Variants in ABHD12B observed in about 807,000 individuals in gnomAD.
ABHD12B encodes protein ABHD12B.
Under a neutral mutation model 50.4 loss-of-function variants are expected in ABHD12B, and 42 were observed. The observed-to-expected ratio is 0.83, with a 90% CI of 0.65 to 1.08. ABHD12B has a LOEUF of 1.08. Ranked by LOEUF, ABHD12B falls within the 50% of genes least tolerant of loss-of-function variation. The pLI, the probability that ABHD12B is intolerant of heterozygous loss-of-function variation, is 0.00. For missense variants in ABHD12B, 479 were observed against 447.7 expected, an observed-to-expected ratio of 1.07 and a Z score of -0.63; for synonymous variants, 167 against 160.3, an observed-to-expected ratio of 1.04 and a Z score of -0.32.
chr14:50,877,731 G>T (rs932528513), intron 1 of ABHD12B, among the ~76,000 whole-genome samples: 9 of 152,222 alleles, frequency 5.9e-5, no homozygotes, highest in Admixed American at 1.3e-4. Context: ...GCCAGGCATG[G>T]TGGTGGGTGC....
At chr14:50,891,234 T>C (rs2050112037) in intron 9 of ABHD12B, 2 of 107,304 alleles carry the variant, frequency 1.9e-5, no homozygotes, top group African/African-American at 3.6e-5. Context: ...TGATATGTCA[T>C]GATAAAGAGA....
intron 5 of ABHD12B, 107 bp from the exon 6 acceptor site, chr14:50,885,507 C>A: frequency 1.5e-6 from 2 of 1,300,426 alleles, no homozygotes; most frequent in Non-Finnish European, 2.2e-6. Context: ...TTAAAATTAC[C>A]TTTGAAAGAG....
intron 1 of ABHD12B, among the ~76,000 whole-genome samples, chr14:50,874,723 T>A (rs960434761): frequency 2.6e-5 from 4 of 152,220 alleles, no homozygotes; most frequent in Non-Finnish European, 5.9e-5. Context: ...CAATCCTAGA[T>A]AGTGCTCAGA....
intron 9 of ABHD12B, among the ~76,000 whole-genome samples, chr14:50,890,093 T>C (rs1187544244): frequency 1.3e-5 from 2 of 152,220 alleles, no homozygotes; most frequent in East Asian, 3.8e-4. Flanking sequence ...TCAGATATAA[T>C]AAATATTTTC....
In ABHD12B at chr14:50,878,866, C is replaced by T. The variant is rs2049898605; in HGVS notation, c.335+19C>T. On this transcript the variant is annotated intron_variant, in intron 3 of 12. Coordinates refer to ENST00000337334, the MANE Select transcript of ABHD12B (RefSeq NM_001206673.2). ...GGATCTGGTGAGTGCACGGATGGGA[C>T]ACCGGGTTGCTTGATGGGGCAGGTG... 5 of 1,602,150 alleles carry T rather than the reference C, an allele frequency of 3.1e-6. No individual in the cohort carries two copies. Among genetic ancestry groups the T allele is most frequent in the Admixed American group, 1.7e-5 (1 of 59,948 alleles).
chr14:50,884,120 A>T (rs762601790), intron 5 of ABHD12B, among the ~76,000 whole-genome samples: 2 of 152,218 alleles, frequency 1.3e-5, no homozygotes, highest in Non-Finnish European at 2.9e-5. Flanking sequence ...CTGCTATTGG[A>T]TATAAGATTT....
rs143330856 is a variant in ABHD12B at position 50,874,938 on chromosome 14, C to T, written c.104+2660C>T. ...TCCTTCCTCTTTCCTCTGAAGCTAC[C>T]AATAAATGTTGCTTCCTTCTCCCTT... On this transcript the variant is annotated intron_variant, in intron 1 of 12. Transcript: ENST00000337334. Among the ~76,000 whole-genome samples the T allele has an allele frequency of 1.1e-4, 17 of 152,330 alleles. No individual in the cohort carries two copies. In the East Asian group the frequency reaches 2.9e-3, roughly 26 times the overall value.
chr14:50,896,678 G>C (rs912135141), intron 9 of ABHD12B, among the ~76,000 whole-genome samples: 3 of 150,488 alleles, frequency 2.0e-5, no homozygotes, highest in African/African-American at 7.3e-5. Flanking sequence ...AGCACCTTGT[G>C]ACCCCCGCCC....
At chr14:50,895,488 C>G (rs1351282810) in intron 9 of ABHD12B, 1 of 151,748 alleles carries the variant, frequency 6.6e-6, no homozygotes, top group Non-Finnish European at 1.5e-5. Flanking sequence ...ATGCCCGCAG[C>G]CCGGGATTCC....
At chr14:50,900,769 C>T (rs2050252906) in intron 9 of ABHD12B, among the ~76,000 whole-genome samples, 1 of 152,094 alleles carries the variant, frequency 6.6e-6, no homozygotes, top group South Asian at 2.1e-4. Context: ...AGGAGGTGGA[C>T]AGGAAGGTGC....
At chr14:50,877,908 T>G in intron 1 of ABHD12B, 44 bp from the exon 2 acceptor site, 3 of 1,448,878 alleles carry the variant, frequency 2.1e-6, no homozygotes, top group South Asian at 1.4e-5. Flanking sequence ...CCAAGACAAA[T>G]GGATTAATTT....
At chr14:50,896,413 C>G (rs1349331454) in intron 9 of ABHD12B, among the ~76,000 whole-genome samples, 3 of 152,144 alleles carry the variant, frequency 2.0e-5, no homozygotes, top group African/African-American at 7.2e-5. Context: ...TGAGCCCAAG[C>G]CAAGCCATCG....
At chr14:50,889,755 G>GGA (rs951893235) in intron 9 of ABHD12B, among the ~76,000 whole-genome samples, 21 of 152,080 alleles carry the variant, frequency 1.4e-4, no homozygotes, top group East Asian at 3.9e-4. Context: ...TGAGAGGTGG[G>GGA]GAGAGAGAGA....
Position 50,903,369 on chromosome 14 carries a change from T to C in ABHD12B, c.864-20T>C. The C allele has an allele frequency of 6.3e-7, 1 of 1,585,874 alleles. No individual in the cohort carries two copies. The highest frequency in any genetic ancestry group is 8.6e-7 in the Non-Finnish European group (1 of 1,156,108). ...ATGTATCATTCTTTAACTGAATGCT[T>C]TTCTTCTACTTGTCCCTAGTGTTAA... On this transcript the variant is annotated intron_variant, in intron 10 of 12. Coordinates refer to ENST00000337334, the MANE Select transcript of ABHD12B (RefSeq NM_001206673.2).
rs1469837459 is a variant in ABHD12B, at chr14:50,878,727, A to T, written c.233-18A>T. The T allele has an allele frequency of 6.3e-7, 1 of 1,593,032 alleles. No individual in the cohort carries two copies. Among genetic ancestry groups the T allele is most frequent in the Non-Finnish European group, 8.6e-7 (1 of 1,160,960 alleles). The stretch of plus-strand genomic sequence containing the variant: ...TGGAATTTGATTCTTGAAGTTGATA[A>T]TGATTTTTACTTTCCAGTCAAAGCC... On this transcript the variant is annotated intron_variant, in intron 2 of 12. Coordinates refer to ENST00000337334, the MANE Select transcript of ABHD12B (RefSeq NM_001206673.2).
At chr14:50,894,081 T>TG (rs2050158596) in intron 9 of ABHD12B, among the ~76,000 whole-genome samples, 1 of 152,120 alleles carries the variant, frequency 6.6e-6, no homozygotes, top group South Asian at 2.1e-4. Context: ...CCCGCTTTTC[T>TG]GGGGAAGGGG....
intron 8 of ABHD12B, 85 bp downstream of exon 8, chr14:50,886,769 A>G: frequency 7.8e-7 from 1 of 1,283,710 alleles, no homozygotes; most frequent in East Asian, 2.4e-5. Flanking sequence ...GTACACTTTG[A>G]ACATATAGAC....
At chr14:50,897,804 A>G (rs956762946) in intron 9 of ABHD12B, among the ~76,000 whole-genome samples, 3 of 152,246 alleles carry the variant, frequency 2.0e-5, no homozygotes, top group African/African-American at 7.2e-5. Flanking sequence ...TGAAGACTGA[A>G]TTAAGTAAGA....
intron 4 of ABHD12B, among the ~76,000 whole-genome samples, 166 bp from the exon 5 acceptor site, chr14:50,881,430 T>A (rs904636895): frequency 8.8e-6 from 1 of 113,704 alleles, no homozygotes; most frequent in Non-Finnish European, 1.8e-5. Flanking sequence ...AAACCCAGCA[T>A]TTTTTTTTTT....
Sources: allele counts gnomAD v4.1 joint callset (sites outside exome capture counted in the v4.1 genomes callset), GRCh38; gene constraint gnomAD v4.1.1; transcripts MANE v1.5; gene names NCBI Gene and HGNC (gene_info 2026-07-23, HGNC 2026-07-21).